Variants in CAMTA1 observed in about 807,000 individuals in gnomAD.
CAMTA1 encodes calmodulin-binding transcription activator 1.
A neutral mutation model predicts 170.9 loss-of-function variants in CAMTA1; 27 were observed. That is an observed-to-expected ratio of 0.16 (90% CI 0.12 to 0.22). The LOEUF (loss-of-function observed/expected upper bound fraction) is 0.22, where lower values mean the gene tolerates loss of function less well. CAMTA1 is among the 10% of genes least tolerant of loss of function. The pLI is 1.00. For synonymous variants in CAMTA1, 833 were observed against 891.5 expected, an observed-to-expected ratio of 0.93 and a Z score of 1.17; for missense variants, 1,619 against 2,217.2, an observed-to-expected ratio of 0.73 and a Z score of 5.42.
intron 5 of CAMTA1, among the ~76,000 whole-genome samples, chr1:7,321,475 A>G (rs1435023193): frequency 2.6e-5 from 4 of 152,130 alleles, no homozygotes; most frequent in Admixed American, 1.3e-4. Flanking sequence ...CACTGGCACA[A>G]TCCTTATGAC....
intron 4 of CAMTA1, among the ~76,000 whole-genome samples, chr1:7,127,532 TGGTGTTGATATGTGCC>T (rs1645006170): frequency 6.6e-6 from 1 of 152,130 alleles, no homozygotes. Context: ...TGCCACCTGC[TGGTGTTGATATGTGCC>T]GGTCACCTTG....
intron 3 of CAMTA1, chr1:6,886,369 G>A (rs1673224385): frequency 2.3e-6 from 1 of 435,962 alleles, no homozygotes; most frequent in Non-Finnish European, 4.5e-6. Context: ...TGATTGCCTT[G>A]AAATCTTCAA....
intron 3 of CAMTA1, among the ~76,000 whole-genome samples, chr1:7,052,690 G>A (rs1016258362): frequency 1.3e-5 from 2 of 151,944 alleles, no homozygotes; most frequent in African/African-American, 2.4e-5. Flanking sequence ...GCCCACACCC[G>A]CCCAGTACCT....
intron 5 of CAMTA1, among the ~76,000 whole-genome samples, chr1:7,255,933 T>C (rs1667303945): frequency 6.6e-6 from 1 of 152,198 alleles, no homozygotes; most frequent in Non-Finnish European, 1.5e-5. Context: ...CTGTCTGGCT[T>C]CAAGCCCTGC....
intron 4 of CAMTA1, among the ~76,000 whole-genome samples, chr1:7,098,383 C>T (rs188957712): frequency 6.6e-6 from 1 of 152,376 alleles, no homozygotes; most frequent in East Asian, 1.9e-4. Context: ...ATCACAAATC[C>T]TTGGCCAAGG....
At chr1:7,285,196 A>T (rs576626527) in intron 5 of CAMTA1, among the ~76,000 whole-genome samples, 12 of 152,338 alleles carry the variant, frequency 7.9e-5, no homozygotes, top group Admixed American at 2.0e-4. Flanking sequence ...ATCACCACTG[A>T]TGATGAGAAA....
Position 7,642,369 on chromosome 1 carries a change from G to A in CAMTA1, c.664+1816G>A, listed in dbSNP as rs2095769716. Among the ~76,000 whole-genome samples, 1 of 152,198 alleles carries A rather than the reference G, an allele frequency of 6.6e-6. No homozygotes were observed. Among genetic ancestry groups the A allele is most frequent in the South Asian group, 2.1e-4 (1 of 4,834 alleles). On this transcript the variant is annotated intron_variant, in intron 7 of 22. Transcript: ENST00000303635. This position sits in a 1 kb window ranked among gnomAD's most constrained non-coding sequence, Gnocchi z 6.3. ...GACCTGCCCAGGGTCCTGAGCAGAG[G>A]ACAGAAGCTGCAGTGTCCTGGCTCT...
chr1:7,091,525 ATAAGAC>A (rs1205139545), intron 4 of CAMTA1, among the ~76,000 whole-genome samples, 154 bp downstream of exon 4: 1 of 152,224 alleles, frequency 6.6e-6, no homozygotes, highest in African/African-American at 2.4e-5. Context: ...ATTCATTGAC[ATAAGAC>A]TGTGGCAGTG....
At chr1:6,814,539 G>A (rs1337284068) in intron 1 of CAMTA1, among the ~76,000 whole-genome samples, 1 of 152,150 alleles carries the variant, frequency 6.6e-6, no homozygotes, top group African/African-American at 2.4e-5. Flanking sequence ...CCACTGCTGT[G>A]AGAACAGTCT....
intron 8 of CAMTA1, among the ~76,000 whole-genome samples, chr1:7,663,008 C>T (rs112778530): frequency 0.023 from 3,463 of 152,306 alleles, 128 homozygotes; most frequent in African/African-American, 0.077. Context: ...TGGTATCTGT[C>T]TCTGATGGCG....
chr1:7,752,183 A>AT (rs1255261463), intron 20 of CAMTA1, among the ~76,000 whole-genome samples: 1 of 152,222 alleles, frequency 6.6e-6, no homozygotes, highest in Non-Finnish European at 1.5e-5. Context: ...GTGGAAGAAT[A>AT]TTTAAGTGAC....
In CAMTA1 at chr1:6,884,122, G is replaced by C. The variant is rs945036553; in HGVS notation, c.234+58912G>C. Among the ~76,000 whole-genome samples the C allele has an allele frequency of 2.2e-4, 34 of 152,056 alleles. 1 individual carries two copies. The highest frequency in any genetic ancestry group is 1.5e-5 in the Non-Finnish European group (1 of 67,986). On this transcript the variant is annotated intron_variant, in intron 3 of 22. Transcript: ENST00000303635. ...TGTTTAAAGGAACAAGGAGGTCGTG[G>C]TTCATGAAGGATTGGCCGTGTAGAT...
chr1:6,971,859 C>T lies in CAMTA1; in HGVS notation c.235-119445C>T, dbSNP rs1018366468. Among the ~76,000 whole-genome samples, 7 of 152,314 alleles carry T rather than the reference C, an allele frequency of 4.6e-5. No individual in the cohort carries two copies. In the South Asian group the frequency reaches 6.2e-4, roughly 14 times the overall value. On this transcript the variant is annotated intron_variant, in intron 3 of 22. Coordinates refer to ENST00000303635, the MANE Select transcript of CAMTA1 (RefSeq NM_015215.4). The surrounding 1 kb of genome is among the most constrained non-coding windows in gnomAD (Gnocchi z 4.6). ...TGTGACTTGGCTCCGCTGCCATTGGCGTCAGCAAGGCCCGTCAGCCTCCCC... is the reference window on the plus strand; with the variant it reads ...TGTGACTTGGCTCCGCTGCCATTGGTGTCAGCAAGGCCCGTCAGCCTCCCC...
intron 1 of CAMTA1, among the ~76,000 whole-genome samples, chr1:6,802,711 C>A (rs923186547): frequency 7.2e-5 from 11 of 151,726 alleles, no homozygotes; most frequent in Non-Finnish European, 1.5e-4. Context: ...GTAACTGTCT[C>A]AAAGCTTTTT....
chr1:7,639,628 C>T (rs899636587), intron 6 of CAMTA1, among the ~76,000 whole-genome samples: 5 of 152,086 alleles, frequency 3.3e-5, no homozygotes, highest in Non-Finnish European at 7.4e-5. Context: ...CAAAAATTAG[C>T]CAGGCATGGT....
chr1:7,408,252 T>C (rs2090444364), intron 5 of CAMTA1, among the ~76,000 whole-genome samples: 1 of 152,192 alleles, frequency 6.6e-6, no homozygotes, highest in East Asian at 1.9e-4. Flanking sequence ...CTCCTGAGAA[T>C]AGGGACCAAG....
rs1448799927 is a variant in CAMTA1, at chr1:7,681,835, C to A, written c.2914+4102C>A. 6.6e-6 allele frequency among the ~76,000 whole-genome samples: 1 copy of A among 152,316 alleles called. No individual in the cohort carries two copies. Among genetic ancestry groups the A allele is most frequent in the East Asian group, 1.9e-4 (1 of 5,178 alleles). On this transcript the variant is annotated intron_variant, in intron 11 of 22. Coordinates refer to ENST00000303635, the MANE Select transcript of CAMTA1 (RefSeq NM_015215.4). The surrounding 1 kb of genome is among the most constrained non-coding windows in gnomAD (Gnocchi z 4.6). ...CAGCCCTGGAGCTGAGGGGATGGGG[C>A]GGGCCCTCTTCTGGCCAAGGACACT...
intron 3 of CAMTA1, among the ~76,000 whole-genome samples, chr1:7,023,910 C>T (rs1228938116): frequency 6.6e-6 from 1 of 151,650 alleles, no homozygotes; most frequent in Admixed American, 6.6e-5. Context: ...CGCCTGTAAT[C>T]CCAGCTACTC....
chr1:6,911,719 C>T lies in CAMTA1; in HGVS notation c.234+86509C>T, dbSNP rs568991738. 2.6e-5 allele frequency among the ~76,000 whole-genome samples: 4 copies of T among 152,178 alleles called. No individual in the cohort carries two copies. In the South Asian group the frequency reaches 8.3e-4, roughly 31 times the overall value. On this transcript the variant is annotated intron_variant, in intron 3 of 22. Coordinates refer to ENST00000303635, the MANE Select transcript of CAMTA1 (RefSeq NM_015215.4). The stretch of plus-strand genomic sequence containing the variant: ...CTGGTAAGGTGCTGGCTGAGCTCCT[C>T]ATCTGAAAAATGGGAAGGCCGAGAA...
Sources: gnomAD v4.1 joint callset for allele counts (sites outside exome capture counted in the v4.1 genomes callset) on GRCh38, gnomAD v4.1.1 for gene constraint, Gnocchi (gnomAD v3.1) non-coding constraint, MANE v1.5 for transcripts, NCBI Gene and HGNC (gene_info 2026-07-23, HGNC 2026-07-21) for gene names.